The following EDIL3 variants were observed in gnomAD, a reference collection of about 807,000 sequenced individuals.
The protein encoded by EDIL3 is EGF-like repeat and discoidin I-like domain-containing protein 3.
A neutral mutation model predicts 67.4 loss-of-function variants in EDIL3; 37 were observed. The ratio of observed to expected loss-of-function variants is 0.55; its 90% CI spans 0.42 to 0.72. EDIL3 has a LOEUF of 0.72. EDIL3 is among the 30% of genes least tolerant of loss of function. The pLI, the probability that EDIL3 is intolerant of heterozygous loss-of-function variation, is 0.00. For missense variants in EDIL3, 527 were observed against 586.3 expected, an observed-to-expected ratio of 0.90 and a Z score of 1.04; for synonymous variants, 195 against 196.3, an observed-to-expected ratio of 0.99 and a Z score of 0.05.
At chr5:84,120,490 A>G (rs1014613165) in intron 5 of EDIL3, among the ~76,000 whole-genome samples, 5 of 152,030 alleles carry the variant, frequency 3.3e-5, no homozygotes, top group Admixed American at 2.0e-4. Flanking sequence ...CCTGGAGTTT[A>G]GGACTCTGTT....
intron 9 of EDIL3, among the ~76,000 whole-genome samples, chr5:83,968,362 A>C (rs1744732664): frequency 6.6e-6 from 1 of 152,076 alleles, no homozygotes; most frequent in Non-Finnish European, 1.5e-5. Flanking sequence ...TTACTAAAAA[A>C]ATTTTAATTT....
Position 84,106,676 on chromosome 5 carries a change from T to C in EDIL3, c.624A>G (p.Ala208=), listed in dbSNP as rs778106682. 2.0e-5 allele frequency: 32 copies of C among 1,607,970 alleles called. No homozygotes were observed. Among genetic ancestry groups the C allele is most frequent in the Non-Finnish European group, 2.5e-5 (30 of 1,177,962 alleles). ...KKGLINAWTA[A]ENDRWPWIQI... is the part of the protein sequence containing the mutation. ...GAATCCACGGCCATCTGTCATTTTC[T>C]GCAGCTGTCCACGCATTTATAAGCC... The change falls in exon 6 of 11, where the codon GCA becomes GCG. Residue 208 remains alanine, a synonymous_variant. Transcript: ENST00000296591.
intron 10 of EDIL3, among the ~76,000 whole-genome samples, chr5:83,961,513 T>C (rs544260509): frequency 3.3e-5 from 5 of 151,244 alleles, no homozygotes; most frequent in Non-Finnish European, 7.4e-5. Context: ...CTCAACAGTT[T>C]AACGGTTTAA....
At chr5:84,204,570 C>T (rs962237475) in intron 3 of EDIL3, among the ~76,000 whole-genome samples, 3 of 151,976 alleles carry the variant, frequency 2.0e-5, no homozygotes, top group Non-Finnish European at 4.4e-5. Flanking sequence ...TTCTTAGGCA[C>T]TATCCAATTA....
At position 84,162,978 on chromosome 5, in the gene EDIL3, C is replaced by T. The variant is rs980926478; in HGVS notation, c.355+17415G>A. On this transcript the variant is annotated intron_variant, in intron 4 of 10. Transcript: ENST00000296591. ...CTGACCTTCCCACAGTCCTTTTCTT[C>T]CTTTTTCAGTAATAACATACTTAAT... Among the ~76,000 whole-genome samples, 6 of 152,058 alleles carry T rather than the reference C, an allele frequency of 3.9e-5. 1 individual carries two copies. Among genetic ancestry groups the T allele is most frequent in the Admixed American group, 3.9e-4 (6 of 15,248 alleles).
At position 84,384,409 on chromosome 5, in the gene EDIL3, G is replaced by A. The variant is rs1393804635; in HGVS notation, c.-35C>T. The stretch of plus-strand genomic sequence containing the variant: ...TCCCGGACGTGACCCCGGCTGGTCA[G>A]GGGTCGTCGCGGAGGGCAGTGTAGC... On this transcript the variant is annotated 5_prime_UTR_variant, in exon 1 of 11. Coordinates refer to ENST00000296591, the MANE Select transcript of EDIL3 (RefSeq NM_005711.5). 6.2e-7 allele frequency: 1 copy of A among 1,611,646 alleles called. No homozygotes were observed. The highest frequency in any genetic ancestry group is 1.7e-5 in the Admixed American group (1 of 59,742).
chr5:84,106,917 A>T, intron 5 of EDIL3, 87 bp from the exon 6 acceptor site: 1 of 1,408,664 alleles, frequency 7.1e-7, no homozygotes, highest in Non-Finnish European at 9.5e-7. Context: ...GGATTTTTTT[A>T]AATGATTTGA....
intron 1 of EDIL3, among the ~76,000 whole-genome samples, chr5:84,301,153 G>A (rs1309861557): frequency 1.3e-5 from 2 of 151,750 alleles, no homozygotes; most frequent in Non-Finnish European, 1.5e-5. Flanking sequence ...CTGTAATCCC[G>A]GCTACTCGGG....
At chr5:84,306,836 TA>T (rs980222256) in intron 1 of EDIL3, among the ~76,000 whole-genome samples, 5 of 152,216 alleles carry the variant, frequency 3.3e-5, no homozygotes, top group African/African-American at 1.2e-4. Context: ...GCACTGGCTT[TA>T]AACCCCACCT....
intron 3 of EDIL3, among the ~76,000 whole-genome samples, chr5:84,188,570 G>C (rs1459098327): frequency 6.6e-6 from 1 of 151,804 alleles, no homozygotes; most frequent in Non-Finnish European, 1.5e-5. Context: ...GTCCCCCCGA[G>C]AACTTATATG....
In EDIL3 at chr5:84,222,917, C is replaced by T. The variant is rs2112402061; in HGVS notation, c.226+6938G>A. ...TTTATGGTTGGCAAATATCTTCTCA[C>T]AATCTGCAGGCCATCATTTCATTTT... On this transcript the variant is annotated intron_variant, in intron 3 of 10. Transcript: ENST00000296591. Among the ~76,000 whole-genome samples the T allele has an allele frequency of 1.3e-5, 2 of 151,948 alleles. 1 individual carries two copies. Among genetic ancestry groups the T allele is most frequent in the South Asian group, 4.1e-4 (2 of 4,822 alleles).
intron 1 of EDIL3, among the ~76,000 whole-genome samples, chr5:84,382,063 T>C (rs1400872446): frequency 6.6e-6 from 1 of 152,228 alleles, no homozygotes; most frequent in East Asian, 1.9e-4. Flanking sequence ...ACGGAAGCTG[T>C]ACTCTGCCTT....
chr5:84,231,880 A>G (rs1371094345), intron 2 of EDIL3, among the ~76,000 whole-genome samples: 2 of 152,224 alleles, frequency 1.3e-5, no homozygotes, highest in Non-Finnish European at 2.9e-5. Context: ...CTAGAGATTC[A>G]AAAGAAAAAA....
At chr5:84,054,808 G>A (rs1265408986) in intron 9 of EDIL3, among the ~76,000 whole-genome samples, 1 of 150,418 alleles carries the variant, frequency 6.6e-6, no homozygotes, top group African/African-American at 2.5e-5. Flanking sequence ...TGAAATAAAA[G>A]AGGACACAAA....
At chr5:84,234,076 A>T (rs540120509) in intron 2 of EDIL3, among the ~76,000 whole-genome samples, 1 of 152,276 alleles carries the variant, frequency 6.6e-6, no homozygotes, top group East Asian at 1.9e-4. Flanking sequence ...CTACAATCCT[A>T]ATCAGTTTTG....
chr5:84,282,777 A>G (rs1745730113), intron 1 of EDIL3, among the ~76,000 whole-genome samples: 1 of 152,234 alleles, frequency 6.6e-6, no homozygotes, highest in Admixed American at 6.5e-5. Flanking sequence ...TGAGTATAGT[A>G]TCATATCAAT....
At chr5:83,992,615 A>G (rs1485821182) in intron 9 of EDIL3, among the ~76,000 whole-genome samples, 3 of 152,164 alleles carry the variant, frequency 2.0e-5, no homozygotes, top group Non-Finnish European at 2.9e-5. Flanking sequence ...AATTGTGTTC[A>G]TAGTCAATTC....
In EDIL3 at chr5:83,942,136, G is replaced by A. The variant is rs770882196; in HGVS notation, c.*1283C>T. 1 of 151,998 alleles carries A rather than the reference G, an allele frequency of 6.6e-6. No homozygotes were observed. Among genetic ancestry groups the A allele is most frequent in the Non-Finnish European group, 1.5e-5 (1 of 67,934 alleles). 9.4% of individuals were successfully genotyped at this position (151,998 alleles called of 1,614,324 possible). ...TGTTGAAGACTTTTATGGAGGCAGT[G>A]TGAGCTTTAATTTGAGAGACATGTC... On this transcript the variant is annotated 3_prime_UTR_variant, in exon 11 of 11. Transcript: ENST00000296591.
chr5:84,184,118 C>T (rs1280974503), intron 3 of EDIL3, among the ~76,000 whole-genome samples: 1 of 152,054 alleles, frequency 6.6e-6, no homozygotes, highest in Non-Finnish European at 1.5e-5. Context: ...GAAACAACAA[C>T]AACAAAACAA....
Sources: gnomAD v4.1 joint callset for allele counts (sites outside exome capture counted in the v4.1 genomes callset) on GRCh38, gnomAD v4.1.1 for gene constraint, MANE v1.5 for transcripts, NCBI Gene and HGNC (gene_info 2026-07-23, HGNC 2026-07-21) for gene names.